The following SPOCK3 variants were observed in gnomAD, a reference collection of about 807,000 sequenced individuals.
SPOCK3 encodes the protein testican-3.
A neutral mutation model predicts 56.6 loss-of-function variants in SPOCK3; 30 were observed. The ratio of observed to expected loss-of-function variants is 0.53; its 90% CI spans 0.40 to 0.72. SPOCK3 has a LOEUF of 0.72. SPOCK3 is among the 30% of genes least tolerant of loss of function. SPOCK3 has a pLI of 0.00. For synonymous variants in SPOCK3, 196 were observed against 183.3 expected (o/e 1.07, Z -0.56); for missense variants, 527 against 530.0 (o/e 0.99, Z 0.06).
intron 6 of SPOCK3, among the ~76,000 whole-genome samples, chr4:166,850,590 G>C (rs996967437): frequency 1.3e-5 from 2 of 152,202 alleles, no homozygotes; most frequent in African/African-American, 4.8e-5. Context: ...CAGACAGCGG[G>C]GGCAGGTCAC....
chr4:167,111,594 T>C (rs966055513), intron 2 of SPOCK3, among the ~76,000 whole-genome samples: 63 of 152,148 alleles, frequency 4.1e-4, no homozygotes, highest in African/African-American at 1.5e-3. Flanking sequence ...CATTAATTCA[T>C]CCTAATGTGC....
At chr4:167,149,101 T>A (rs959821996) in intron 2 of SPOCK3, among the ~76,000 whole-genome samples, 2 of 152,136 alleles carry the variant, frequency 1.3e-5, no homozygotes, top group Admixed American at 6.6e-5. Context: ...AAAAGAACTC[T>A]AAGCCATGTG....
At chr4:166,847,857 T>C (rs560406798) in intron 6 of SPOCK3, among the ~76,000 whole-genome samples, 5 of 151,778 alleles carry the variant, frequency 3.3e-5, no homozygotes, top group Middle Eastern at 3.2e-3. Context: ...AAAGTTTTGA[T>C]AATTCAGATG....
chr4:166,819,802 C>G (rs955213506), intron 6 of SPOCK3, among the ~76,000 whole-genome samples: 2 of 151,646 alleles, frequency 1.3e-5, no homozygotes, highest in African/African-American at 4.8e-5. Context: ...AAGTGGCACC[C>G]TTGAACTCCT....
intron 6 of SPOCK3, among the ~76,000 whole-genome samples, chr4:166,833,183 A>T (rs887117791): frequency 6.7e-6 from 1 of 149,346 alleles, no homozygotes; most frequent in African/African-American, 2.4e-5. Context: ...AATATTTAAT[A>T]ATTTTTAGTT....
At chr4:167,127,914 G>A (rs1423686401) in intron 2 of SPOCK3, among the ~76,000 whole-genome samples, 1 of 152,174 alleles carries the variant, frequency 6.6e-6, no homozygotes, top group South Asian at 2.1e-4. Context: ...ATACACTTGT[G>A]ACAACAGTCA....
chr4:167,199,164 T>C (rs1161915770), intron 2 of SPOCK3, among the ~76,000 whole-genome samples: 1 of 151,940 alleles, frequency 6.6e-6, no homozygotes, highest in East Asian at 1.9e-4. Flanking sequence ...GAAATCATTG[T>C]TAGTATAAAA....
At chr4:167,117,243 G>A (rs552321378) in intron 2 of SPOCK3, among the ~76,000 whole-genome samples, 1 of 152,096 alleles carries the variant, frequency 6.6e-6, no homozygotes, top group South Asian at 2.1e-4. Flanking sequence ...AGAGGAAAAG[G>A]AACATCAGCA....
At chr4:167,175,597 C>T (rs1056209579) in intron 2 of SPOCK3, among the ~76,000 whole-genome samples, 4 of 152,096 alleles carry the variant, frequency 2.6e-5, no homozygotes, top group South Asian at 4.2e-4. Context: ...ATATGACTGG[C>T]GTCCTTATAA....
At chr4:166,891,356 C>T (rs1309089048) in intron 5 of SPOCK3, among the ~76,000 whole-genome samples, 1 of 151,950 alleles carries the variant, frequency 6.6e-6, no homozygotes, top group Non-Finnish European at 1.5e-5. Flanking sequence ...TCAAGAAGCA[C>T]CGAATGCACC....
chr4:166,807,111 T>C (rs1255087248), intron 6 of SPOCK3, among the ~76,000 whole-genome samples: 1 of 152,074 alleles, frequency 6.6e-6, no homozygotes, highest in African/African-American at 2.4e-5. Flanking sequence ...TTTATAGTTA[T>C]ATCAGATAAA....
intron 2 of SPOCK3, among the ~76,000 whole-genome samples, chr4:167,078,308 CTGTGTGTGTG>C (rs3082377): frequency 0.21 from 22,376 of 104,708 alleles, 2,392 homozygotes; most frequent in South Asian, 0.28. Flanking sequence ...GGTCATAACT[CTGTGTGTGTG>C]TGTGTGTGTG....
intron 3 of SPOCK3, among the ~76,000 whole-genome samples, chr4:167,003,833 A>G (rs930477822): frequency 2.0e-5 from 3 of 152,212 alleles, no homozygotes; most frequent in African/African-American, 4.8e-5. Flanking sequence ...TCTGTATTTT[A>G]AACAACTGCC....
intron 3 of SPOCK3, among the ~76,000 whole-genome samples, chr4:167,036,979 C>T (rs1434822418): frequency 6.6e-6 from 1 of 151,976 alleles, no homozygotes; most frequent in Non-Finnish European, 1.5e-5. Flanking sequence ...ATTCTTACTG[C>T]CTGAAAGATC....
intron 2 of SPOCK3, among the ~76,000 whole-genome samples, chr4:167,191,141 G>A (rs1410351250): frequency 3.4e-5 from 5 of 145,298 alleles, no homozygotes; most frequent in Admixed American, 7.1e-5. Flanking sequence ...GTATAGGATT[G>A]TTTTTTTATT....
At chr4:166,891,430 T>A (rs144476918) in intron 5 of SPOCK3, among the ~76,000 whole-genome samples, 2 of 152,158 alleles carry the variant, frequency 1.3e-5, no homozygotes, top group African/African-American at 4.8e-5. Context: ...AAGTGACTCC[T>A]TAATGGACAG....
At chr4:167,077,667 T>G (rs1262302367) in intron 2 of SPOCK3, among the ~76,000 whole-genome samples, 1 of 151,966 alleles carries the variant, frequency 6.6e-6, no homozygotes, top group African/African-American at 2.4e-5. Flanking sequence ...AATAATTCAT[T>G]TTATCGATGC....
intron 7 of SPOCK3, among the ~76,000 whole-genome samples, chr4:166,781,904 C>T (rs1392584254): frequency 6.6e-6 from 1 of 152,102 alleles, no homozygotes; most frequent in South Asian, 2.1e-4. Flanking sequence ...ACAAAGCTCT[C>T]AACCCAGTAT....
At chr4:167,211,065 T>C (rs996709622) in intron 2 of SPOCK3, among the ~76,000 whole-genome samples, 14 of 152,220 alleles carry the variant, frequency 9.2e-5, no homozygotes, top group African/African-American at 3.4e-4. Context: ...ACATATGTTA[T>C]GTACTTAATA....
Sources: gnomAD v4.1 joint callset for allele counts (sites outside exome capture counted in the v4.1 genomes callset) on GRCh38, gnomAD v4.1.1 for gene constraint, MANE v1.5 for transcripts, NCBI Gene and HGNC (gene_info 2026-07-23, HGNC 2026-07-21) for gene names.